RGS7: variants seen among roughly 807,000 people sequenced by gnomAD.
RGS7 encodes regulator of G protein signaling 7, also known as regulator of G-protein signaling 7.
RGS7 carries 27 observed loss-of-function variants against 81.1 expected under a neutral mutation model. The observed-to-expected ratio is 0.33, with a 90% CI of 0.25 to 0.46. The LOEUF is 0.46. Among genes scored for constraint, RGS7 ranks in the 20% least tolerant of loss-of-function variants. The probability of loss-of-function intolerance (pLI) is 1.00; values close to 1 mark genes in which losing one functional copy is unlikely to be tolerated. For synonymous variants in RGS7, 208 were observed against 207.7 expected (o/e 1.00, Z -0.01); for missense variants, 396 against 607.4 (o/e 0.65, Z 3.66).
intron 6 of RGS7, among the ~76,000 whole-genome samples, chr1:240,915,405 C>T (rs1429446908): frequency 1.3e-5 from 2 of 152,292 alleles, no homozygotes; most frequent in East Asian, 3.9e-4. Context: ...TCCCCCTTCC[C>T]CTGCACCTTA....
chr1:241,219,510 C>T (rs2074771344), intron 2 of RGS7, among the ~76,000 whole-genome samples: 1 of 152,158 alleles, frequency 6.6e-6, no homozygotes, highest in South Asian at 2.1e-4. Flanking sequence ...ACAGAGCTTG[C>T]AGGGACCCCA....
intron 4 of RGS7, among the ~76,000 whole-genome samples, chr1:240,979,260 C>T (rs6688449): frequency 0.44 from 66,102 of 151,868 alleles, 15,775 homozygotes; most frequent in East Asian, 0.72. Context: ...AGAGATGACA[C>T]ATTAAATTAG....
chr1:241,078,020 T>G (rs1447297186), intron 3 of RGS7, among the ~76,000 whole-genome samples: 4 of 151,536 alleles, frequency 2.6e-5, no homozygotes, highest in Non-Finnish European at 5.9e-5. Context: ...GAGAGAGAGA[T>G]ATATATACCA....
At chr1:240,907,340 T>C (rs1005679622) in intron 6 of RGS7, among the ~76,000 whole-genome samples, 1 of 152,052 alleles carries the variant, frequency 6.6e-6, no homozygotes, top group Non-Finnish European at 1.5e-5. Context: ...ATCTCCCTTC[T>C]GTTAAGAGAA....
intron 3 of RGS7, among the ~76,000 whole-genome samples, chr1:241,028,297 G>A (rs1054280919): frequency 6.6e-6 from 1 of 152,206 alleles, no homozygotes; most frequent in African/African-American, 2.4e-5. Context: ...AAATCTGCTT[G>A]TGAATTGAAT....
intron 18 of RGS7, among the ~76,000 whole-genome samples, chr1:240,796,936 TAAGA>T (rs1248606821): frequency 6.6e-6 from 1 of 152,226 alleles, no homozygotes; most frequent in African/African-American, 2.4e-5. Flanking sequence ...TTGTCTTCAT[TAAGA>T]TAGAGTGAAA....
chr1:240,930,428 C>T (rs1205556183), intron 6 of RGS7, among the ~76,000 whole-genome samples: 1 of 151,932 alleles, frequency 6.6e-6, no homozygotes, highest in South Asian at 2.1e-4. Flanking sequence ...TTCTAGTAGG[C>T]CAGGTTGCTA....
intron 2 of RGS7, among the ~76,000 whole-genome samples, chr1:241,197,937 TTATCTATC>T (rs56214817): frequency 2.7e-5 from 4 of 150,316 alleles, no homozygotes; most frequent in Admixed American, 6.6e-5. Flanking sequence ...AAATTAAACA[TTATCTATC>T]TATCTATCTA....
chr1:240,914,368 G>C (rs1171266331), intron 6 of RGS7, among the ~76,000 whole-genome samples: 1 of 152,026 alleles, frequency 6.6e-6, no homozygotes, highest in Admixed American at 6.6e-5. Flanking sequence ...GAGAGTGCCA[G>C]GTTTCTCTCC....
chr1:241,232,192 TTC>T (rs111426330), intron 2 of RGS7, among the ~76,000 whole-genome samples: 5 of 149,062 alleles, frequency 3.4e-5, no homozygotes, highest in Admixed American at 6.7e-5. Flanking sequence ...TATATGTCTA[TTC>T]TCTCTCTCTC....
At chr1:241,236,174 C>A (rs1376925890) in intron 2 of RGS7, among the ~76,000 whole-genome samples, 2 of 149,376 alleles carry the variant, frequency 1.3e-5, no homozygotes, top group African/African-American at 2.5e-5. Context: ...ACCTCCGCCC[C>A]CCATATTTTA....
intron 5 of RGS7, 117 bp downstream of exon 5, chr1:240,936,483 C>A: frequency 1.3e-6 from 1 of 767,772 alleles, no homozygotes; most frequent in East Asian, 2.5e-5. Context: ...TTCTAACTAG[C>A]CTAAGTCAAA....
intron 4 of RGS7, among the ~76,000 whole-genome samples, chr1:240,941,093 T>C (rs1677505802): frequency 6.6e-6 from 1 of 152,206 alleles, no homozygotes; most frequent in African/African-American, 2.4e-5. Flanking sequence ...TTAAGGAAAA[T>C]TTGTTTTGAT....
intron 4 of RGS7, among the ~76,000 whole-genome samples, chr1:240,962,448 T>C (rs1681618846): frequency 6.6e-6 from 1 of 152,198 alleles, no homozygotes; most frequent in Admixed American, 6.5e-5. Context: ...GCTCATCTAA[T>C]TTAAAAGGTC....
intron 3 of RGS7, among the ~76,000 whole-genome samples, chr1:240,987,342 G>C (rs1447464963): frequency 6.6e-6 from 1 of 152,108 alleles, no homozygotes; most frequent in East Asian, 1.9e-4. Context: ...AATTATTCCT[G>C]AGGCAAAGAC....
chr1:241,239,555 T>C (rs1221679206), intron 2 of RGS7, among the ~76,000 whole-genome samples: 4 of 152,214 alleles, frequency 2.6e-5, no homozygotes, highest in Non-Finnish European at 5.9e-5. Flanking sequence ...TTGGGACATG[T>C]ACTCTGGACA....
intron 2 of RGS7, among the ~76,000 whole-genome samples, chr1:241,272,868 T>C (rs2077989285): frequency 6.6e-6 from 1 of 152,238 alleles, no homozygotes; most frequent in African/African-American, 2.4e-5. Flanking sequence ...CCATTTCTGA[T>C]ATTGTACTTT....
At chr1:240,932,595 G>A (rs1327761844) in intron 5 of RGS7, among the ~76,000 whole-genome samples, 2 of 143,616 alleles carry the variant, frequency 1.4e-5, no homozygotes, top group East Asian at 2.2e-4. Flanking sequence ...TGCAAGCTCC[G>A]CCTCCCGGGT....
intron 5 of RGS7, among the ~76,000 whole-genome samples, chr1:240,933,154 T>G (rs1036151762): frequency 6.6e-5 from 10 of 151,862 alleles, no homozygotes; most frequent in South Asian, 4.2e-4. Flanking sequence ...AGTGCTGGGA[T>G]TACAGGTGTG....
Sources: allele counts gnomAD v4.1 joint callset (sites outside exome capture counted in the v4.1 genomes callset), GRCh38; gene constraint gnomAD v4.1.1; transcripts MANE v1.5; gene names NCBI Gene and HGNC (gene_info 2026-07-23, HGNC 2026-07-21).